Variants in ADGRL2 observed in about 807,000 individuals in gnomAD.
The protein encoded by ADGRL2 is calcium-independent alpha-latrotoxin receptor 2.
In ADGRL2, 44 loss-of-function variants were observed where a neutral mutation model predicts 157.4. The observed-to-expected ratio is 0.28, with a 90% CI of 0.22 to 0.36. ADGRL2 has a LOEUF of 0.36. ADGRL2 is among the 10% of genes least tolerant of loss of function. ADGRL2 has a pLI of 1.00. For missense variants in ADGRL2, 1,510 were observed against 1,768.9 expected (o/e 0.85, Z 2.63); for synonymous variants, 585 against 624.7 (o/e 0.94, Z 0.95).
intron 2 of ADGRL2, among the ~76,000 whole-genome samples, chr1:81,527,043 TG>T (rs2079475498): frequency 2.0e-5 from 3 of 152,234 alleles, no homozygotes; most frequent in Admixed American, 2.0e-4. Flanking sequence ...TGCATCTGGC[TG>T]CAAAATTTGC....
chr1:81,850,667 C>T (rs1195229743), intron 2 of ADGRL2, among the ~76,000 whole-genome samples: 1 of 151,872 alleles, frequency 6.6e-6, no homozygotes, highest in Non-Finnish European at 1.5e-5. Context: ...CTAATCTAAA[C>T]AGGAATCCTC....
At chr1:81,827,348 A>C (rs17107239) in intron 1 of ADGRL2, among the ~76,000 whole-genome samples, 2,724 of 152,284 alleles carry the variant, frequency 0.018, 74 homozygotes, top group African/African-American at 0.062. Flanking sequence ...CAGCTCTTCG[A>C]AACCATCATG....
intron 1 of ADGRL2, among the ~76,000 whole-genome samples, chr1:81,328,430 A>G (rs1174317796): frequency 6.6e-6 from 1 of 152,094 alleles, no homozygotes; most frequent in African/African-American, 2.4e-5. Context: ...GACATTTGTA[A>G]AAGTAAAGGT....
intron 3 of ADGRL2, among the ~76,000 whole-genome samples, chr1:81,912,351 C>T (rs977652201): frequency 1.3e-5 from 2 of 152,052 alleles, no homozygotes; most frequent in African/African-American, 2.4e-5. Flanking sequence ...GTATTACAGG[C>T]GGGAGCCACT....
At chr1:81,312,389 C>T (rs750176543) in intron 1 of ADGRL2, among the ~76,000 whole-genome samples, 5 of 152,172 alleles carry the variant, frequency 3.3e-5, no homozygotes, top group African/African-American at 7.2e-5. Context: ...AACAATGAGA[C>T]GTGGACCTCA....
chr1:81,629,267 T>C (rs898571826), intron 3 of ADGRL2, among the ~76,000 whole-genome samples: 11 of 152,200 alleles, frequency 7.2e-5, no homozygotes, highest in African/African-American at 2.7e-4. Flanking sequence ...ATACCATGCA[T>C]ATGGCAGTTA....
In ADGRL2 at chr1:81,753,168, G is replaced by C. The variant is rs867477871; in HGVS notation, c.-142-8643G>C. 1.6e-3 allele frequency among the ~76,000 whole-genome samples: 250 copies of C among 152,218 alleles called. 1 individual carries two copies. The highest frequency in any genetic ancestry group is 5.9e-3 in the African/African-American group (243 of 41,538). The stretch of plus-strand genomic sequence containing the variant: ...CTGATAAAGACATACCTGAGACTGG[G>C]CAATTTACAAAAGAAAGAGGTTTAA... On this transcript the variant is annotated intron_variant, in intron 1 of 20. Coordinates refer to the ADGRL2 transcript ENST00000359929.
At chr1:81,369,660 A>G (rs1235783289) in intron 1 of ADGRL2, among the ~76,000 whole-genome samples, 2 of 152,188 alleles carry the variant, frequency 1.3e-5, no homozygotes, top group Non-Finnish European at 2.9e-5. Flanking sequence ...TTTCATGTGC[A>G]AAAGAAAGCT....
At chr1:81,314,255 G>A (rs1174247375) in intron 1 of ADGRL2, among the ~76,000 whole-genome samples, 1 of 152,152 alleles carries the variant, frequency 6.6e-6, no homozygotes, top group African/African-American at 2.4e-5. Context: ...ATGTCATAAA[G>A]TGCAGACTGT....
chr1:81,686,732 T>C (rs2083235453), intron 3 of ADGRL2, among the ~76,000 whole-genome samples: 1 of 152,156 alleles, frequency 6.6e-6, no homozygotes, highest in South Asian at 2.1e-4. Flanking sequence ...CCTTAGATTG[T>C]CTGTTTGTGC....
intron 2 of ADGRL2, among the ~76,000 whole-genome samples, chr1:81,793,632 C>G (rs899786103): frequency 6.6e-6 from 1 of 151,930 alleles, no homozygotes; most frequent in Non-Finnish European, 1.5e-5. Flanking sequence ...TAAGGAAAGA[C>G]AGTTTTCTAA....
At chr1:81,530,614 A>G (rs1570404831) in intron 2 of ADGRL2, among the ~76,000 whole-genome samples, 3 of 151,814 alleles carry the variant, frequency 2.0e-5, no homozygotes, top group Admixed American at 2.0e-4. Context: ...CTCCCAAAGT[A>G]CTGAGATTAC....
At chr1:81,796,755 G>A (rs562483611), upstream of ADGRL2, among the ~76,000 whole-genome samples, 19 of 152,092 alleles carry the variant, frequency 1.2e-4, 1 homozygote, top group South Asian at 1.5e-3. Context: ...TTAATAATTC[G>A]TGATTATATA....
chr1:81,491,140 C>T (rs112596261), intron 2 of ADGRL2, among the ~76,000 whole-genome samples: 24 of 151,830 alleles, frequency 1.6e-4, no homozygotes, highest in African/African-American at 5.8e-4. Context: ...TAAAAATAAA[C>T]TTCTGCTACA....
intron 3 of ADGRL2, among the ~76,000 whole-genome samples, chr1:81,686,547 G>T (rs2083232063): frequency 6.6e-6 from 1 of 152,098 alleles, no homozygotes; most frequent in Admixed American, 6.6e-5. Flanking sequence ...CTTGCTAATG[G>T]TGTATCAATT....
At chr1:81,709,746 G>A (rs1237993222) in intron 1 of ADGRL2, among the ~76,000 whole-genome samples, 1 of 151,818 alleles carries the variant, frequency 6.6e-6, no homozygotes, top group Admixed American at 6.6e-5. Context: ...TTTGAGGTGG[G>A]TACTAAGTAT....
At chr1:81,715,605 G>C (rs2084089182) in intron 1 of ADGRL2, among the ~76,000 whole-genome samples, 1 of 152,162 alleles carries the variant, frequency 6.6e-6, no homozygotes, top group Admixed American at 6.5e-5. Flanking sequence ...TGGAGTAAGA[G>C]TGTGCTGAGC....
intron 2 of ADGRL2, among the ~76,000 whole-genome samples, chr1:81,511,652 G>C (rs2079080453): frequency 1.3e-5 from 2 of 151,990 alleles, no homozygotes; most frequent in African/African-American, 4.8e-5. Flanking sequence ...GAGTTTGTTT[G>C]ATATGATTCT....
At chr1:81,528,701 A>T (rs2079530943) in intron 2 of ADGRL2, among the ~76,000 whole-genome samples, 1 of 150,966 alleles carries the variant, frequency 6.6e-6, no homozygotes, top group Non-Finnish European at 1.5e-5. Context: ...CCTTATTCAT[A>T]TTGGTAGTCT....
Sources: allele counts gnomAD v4.1 joint callset (sites outside exome capture counted in the v4.1 genomes callset), GRCh38; gene constraint gnomAD v4.1.1; transcripts MANE v1.5; gene names NCBI Gene and HGNC (gene_info 2026-07-23, HGNC 2026-07-21).